EFR3B: variants seen among roughly 807,000 people sequenced by gnomAD.
EFR3B encodes protein EFR3 homolog B.
Under a neutral mutation model 104.7 loss-of-function variants are expected in EFR3B, and 64 were observed. The observed-to-expected ratio is 0.61, with a 90% CI of 0.50 to 0.75. The LOEUF (loss-of-function observed/expected upper bound fraction) is 0.75. EFR3B is among the 30% of genes least tolerant of loss of function. EFR3B has a pLI of 0.00. For synonymous variants in EFR3B, 385 were observed against 417.9 expected (o/e 0.92, Z 0.96); for missense variants, 750 against 1,078.5 (o/e 0.70, Z 4.27).
chr2:25,121,656 T>A lies in EFR3B; in HGVS notation c.364-17T>A. 2 of 1,551,648 alleles carry A rather than the reference T, an allele frequency of 1.3e-6. No homozygotes were observed. The highest frequency in any genetic ancestry group is 1.7e-6 in the Non-Finnish European group (2 of 1,146,970). On this transcript the variant is annotated splice_polypyrimidine_tract_variant and intron_variant, in intron 4 of 22. Coordinates refer to ENST00000403714, the MANE Select transcript of EFR3B (RefSeq NM_014971.2). ...GGGTCACCTCTCTCGTGTGTTTCTC[T>A]CCTTCCTCCCTGATAGTTTGTGAAG...
At chr2:25,115,344 G>A (rs983105709) in intron 4 of EFR3B, among the ~76,000 whole-genome samples, 4 of 152,166 alleles carry the variant, frequency 2.6e-5, no homozygotes, top group South Asian at 2.1e-4. Context: ...AAGATCATGC[G>A]ACCCAGTGTG....
At position 25,092,974 on chromosome 2, in the gene EFR3B, T is replaced by TAGTGAGGCCAC. The variant is rs1323396026; in HGVS notation, c.85-23_85-22insGCCACAGTGAG. The TAGTGAGGCCAC allele has an allele frequency of 1.9e-6, 3 of 1,540,048 alleles. No homozygotes were observed. In the African/African-American group the frequency reaches 4.1e-5, roughly 21 times the overall value. ...AACTCGTCTAGCCATAGTGTGGCCA[T>TAGTGAGGCCAC]AGTGAGCACAAGCTGTTTTCTCCTA... On this transcript the variant is annotated intron_variant, in intron 2 of 22. Coordinates refer to ENST00000403714, the MANE Select transcript of EFR3B (RefSeq NM_014971.2).
chr2:25,094,241 C>T (rs1329831182), intron 3 of EFR3B, among the ~76,000 whole-genome samples: 2 of 127,516 alleles, frequency 1.6e-5, no homozygotes, highest in African/African-American at 3.1e-5. Context: ...GCTGTGTTTG[C>T]ACCACTGCAC....
chr2:25,117,186 GC>G (rs1669885837), intron 4 of EFR3B, among the ~76,000 whole-genome samples: 1 of 152,178 alleles, frequency 6.6e-6, no homozygotes, highest in Non-Finnish European at 1.5e-5. Context: ...AGGCGGGACT[GC>G]CCGTCAGCCC....
intron 2 of EFR3B, among the ~76,000 whole-genome samples, chr2:25,092,417 C>T (rs1403272132): frequency 1.1e-5 from 1 of 92,278 alleles, no homozygotes; most frequent in Non-Finnish European, 2.5e-5. Context: ...CACACACACA[C>T]ACACACTTAC....
At chr2:25,059,237 C>T (rs577998952) in intron 1 of EFR3B, among the ~76,000 whole-genome samples, 2 of 151,828 alleles carry the variant, frequency 1.3e-5, no homozygotes, top group African/African-American at 4.8e-5. Context: ...CTCAGCCTCC[C>T]GAGTAGGTGG....
chr2:25,154,191 A>T lies in EFR3B; in HGVS notation c.2349-44A>T. The T allele has an allele frequency of 2.0e-6, 3 of 1,536,318 alleles. No homozygotes were observed. The highest frequency in any genetic ancestry group is 2.6e-6 in the Non-Finnish European group (3 of 1,133,772). On this transcript the variant is annotated intron_variant, in intron 22 of 22. Coordinates refer to ENST00000403714, the MANE Select transcript of EFR3B (RefSeq NM_014971.2). The surrounding 1 kb of genome is among the most constrained non-coding windows in gnomAD (Gnocchi z 4.1). Reference sequence around the variant, plus strand: ...GGTTGCACAAGGGTGGGATCCTAAAATTCTCTTTTCATGCCTTTCTCCCCA... The same window carrying T: ...GGTTGCACAAGGGTGGGATCCTAAATTTCTCTTTTCATGCCTTTCTCCCCA...
At position 25,072,100 on chromosome 2, in the gene EFR3B, G is replaced by A. The variant is rs373157890; in HGVS notation, c.8-19225G>A. ...GTTTCTAATCCAGTTTGCATTGCCAGTGTGGCTATGAAGCTCCGGGAGTGG... is the reference window on the plus strand; with the variant it reads ...GTTTCTAATCCAGTTTGCATTGCCAATGTGGCTATGAAGCTCCGGGAGTGG... On this transcript the variant is annotated intron_variant, in intron 1 of 22. Coordinates refer to ENST00000403714, the MANE Select transcript of EFR3B (RefSeq NM_014971.2). Among the ~76,000 whole-genome samples the A allele has an allele frequency of 1.8e-4, 27 of 152,328 alleles. 1 individual carries two copies. The South Asian group carries it at 5.6e-3, about 32-fold the overall frequency.
At chr2:25,151,036 A>C (rs1440421305) in intron 20 of EFR3B, among the ~76,000 whole-genome samples, 1 of 151,726 alleles carries the variant, frequency 6.6e-6, no homozygotes, top group Non-Finnish European at 1.5e-5. Context: ...CCTGGGCAAC[A>C]TAGTGAGACC....
intron 1 of EFR3B, among the ~76,000 whole-genome samples, chr2:25,062,078 G>A (rs144556621): frequency 8.5e-5 from 13 of 152,246 alleles, no homozygotes; most frequent in East Asian, 3.9e-4. Flanking sequence ...TAGTGAGTGC[G>A]TATTTTTAAT....
At chr2:25,143,056 G>A (rs1285557199) in intron 17 of EFR3B, among the ~76,000 whole-genome samples, 1 of 151,188 alleles carries the variant, frequency 6.6e-6, no homozygotes, top group East Asian at 2.0e-4. Flanking sequence ...GACCATCCTG[G>A]CTAACATGGT....
At chr2:25,126,299 C>G (rs1670166354) in intron 5 of EFR3B, among the ~76,000 whole-genome samples, 1 of 152,144 alleles carries the variant, frequency 6.6e-6, no homozygotes, top group Admixed American at 6.5e-5. Flanking sequence ...ATCAGTACTT[C>G]CACCCCAGCC....
intron 1 of EFR3B, among the ~76,000 whole-genome samples, chr2:25,054,306 T>G (rs572866576): frequency 6.6e-6 from 1 of 152,270 alleles, no homozygotes; most frequent in South Asian, 2.1e-4. Context: ...AAGGTGATAT[T>G]ATTACCATGC....
At position 25,063,798 on chromosome 2, in the gene EFR3B, G is replaced by A. The variant is rs531192304; in HGVS notation, c.7+21479G>A. Among the ~76,000 whole-genome samples, 276 of 152,314 alleles carry A rather than the reference G, an allele frequency of 1.8e-3. 1 individual carries two copies. Among genetic ancestry groups the A allele is most frequent in the African/African-American group, 6.4e-3 (267 of 41,570 alleles). On this transcript the variant is annotated intron_variant, in intron 1 of 22. Transcript: ENST00000403714. ...AGTAACAGGGTCACCCTCTCCAGGG[G>A]CCTGAGGGTCTGCATTGGAGGAAGG...
At chr2:25,047,940 A>C (rs1010778772) in intron 1 of EFR3B, among the ~76,000 whole-genome samples, 4 of 152,280 alleles carry the variant, frequency 2.6e-5, no homozygotes, top group African/African-American at 9.6e-5. Flanking sequence ...GAAAATCTAG[A>C]AAATACAGTA....
intron 4 of EFR3B, among the ~76,000 whole-genome samples, chr2:25,109,177 A>G (rs944233637): frequency 6.6e-6 from 1 of 152,008 alleles, no homozygotes. Context: ...AACAACAAAA[A>G]AAAAAACCTA....
intron 1 of EFR3B, among the ~76,000 whole-genome samples, chr2:25,061,278 T>A (rs546736638): frequency 1.1e-4 from 16 of 151,850 alleles, no homozygotes; most frequent in African/African-American, 3.6e-4. Context: ...CACGTCCAGC[T>A]AATTTCTGTT....
At chr2:25,106,503 G>A (rs1669568380) in intron 4 of EFR3B, among the ~76,000 whole-genome samples, 1 of 149,496 alleles carries the variant, frequency 6.7e-6, no homozygotes, top group Admixed American at 6.7e-5. Context: ...TGTTGCCCAG[G>A]CTGGAATGCA....
rs1004290432 is a variant in EFR3B at position 25,131,614 on chromosome 2, G to A, written c.985+111G>A. ...GGGTCGGAGTCCGTTTTCCTCGGGA[G>A]AAGTCCGCCAGGAAGTTGGGAGCGC... On this transcript the variant is annotated intron_variant, in intron 9 of 22. Coordinates refer to ENST00000403714, the MANE Select transcript of EFR3B (RefSeq NM_014971.2). The surrounding 1 kb of genome is among the most constrained non-coding windows in gnomAD (Gnocchi z 7.6). The A allele has an allele frequency of 1.0e-5, 15 of 1,501,834 alleles. No individual in the cohort carries two copies. In the East Asian group the frequency reaches 1.2e-4, roughly 12 times the overall value. 93.0% of individuals were successfully genotyped at this position (1,501,834 alleles called of 1,614,324 possible). A position where few individuals can be genotyped will look rare whatever the true frequency, so the allele number is the denominator to read the frequency against.
Sources: allele counts gnomAD v4.1 joint callset (sites outside exome capture counted in the v4.1 genomes callset), GRCh38; gene constraint gnomAD v4.1.1; non-coding constraint Gnocchi (gnomAD v3.1); transcripts MANE v1.5; gene names NCBI Gene and HGNC (gene_info 2026-07-23, HGNC 2026-07-21).